Variants in TTC24 observed in about 807,000 individuals in gnomAD.
TTC24 encodes the protein tetratricopeptide repeat domain 24.
TTC24 carries 54 observed loss-of-function variants against 63.3 expected under a neutral mutation model. The observed-to-expected ratio is 0.85, with a 90% confidence interval of 0.69 to 1.07. The LOEUF (loss-of-function observed/expected upper bound fraction) is 1.07. TTC24 is among the 50% of genes least tolerant of loss of function. TTC24 has a pLI of 0.00. For synonymous variants in TTC24, 276 were observed against 304.3 expected (o/e 0.91, Z 0.97); for missense variants, 680 against 730.5 (o/e 0.93, Z 0.80).
In TTC24 at chr1:156,582,066, G is replaced by T; in HGVS notation, c.702G>T (p.Leu234=). The T allele has an allele frequency of 6.8e-7, 1 of 1,466,652 alleles. No individual in the cohort carries two copies. Among genetic ancestry groups the T allele is most frequent in the Non-Finnish European group, 9.0e-7 (1 of 1,108,368 alleles). 90.9% of individuals were successfully genotyped at this position (1,466,652 alleles called of 1,614,324 possible). A position where few individuals can be genotyped will look rare whatever the true frequency, so the allele number is the denominator to read the frequency against. Reference sequence around the variant, plus strand: ...CCGAGAGGAGCACTGAGAGGCGACTGCTGGGTGAGACCTTCGGGCAGGGAA... The same window carrying T: ...CCGAGAGGAGCACTGAGAGGCGACTTCTGGGTGAGACCTTCGGGCAGGGAA... ...RLAERSTERR[L]LGHLYNDLGL... is the part of the protein sequence containing the mutation. The change falls in exon 2 of 11, where the codon CTG becomes CTT. Residue 234 remains leucine (L), a synonymous_variant. Coordinates refer to ENST00000368236, the MANE Select transcript of TTC24 (RefSeq NM_001105669.4).
rs1357440400 is a variant in TTC24 at position 156,587,688 on chromosome 1, T to C, written c.*1138T>C. Reference sequence around the variant, plus strand: ...CCATGTCAATGTAAAAGAAAATTTATCTTTAAAAAAAAATAAATTGATGAA... The same window carrying C: ...CCATGTCAATGTAAAAGAAAATTTACCTTTAAAAAAAAATAAATTGATGAA... On this transcript the variant is annotated 3_prime_UTR_variant, in exon 11 of 11. Coordinates refer to ENST00000368236, the MANE Select transcript of TTC24 (RefSeq NM_001105669.4). Among the ~76,000 whole-genome samples the C allele has an allele frequency of 1.3e-5, 2 of 152,040 alleles. No homozygotes were observed. Among genetic ancestry groups the C allele is most frequent in the Non-Finnish European group, 2.9e-5 (2 of 68,018 alleles).
chr1:156,585,002 T>A, intron 7 of TTC24, 28 bp downstream of exon 7: 1 of 1,554,196 alleles, frequency 6.4e-7, no homozygotes. Context: ...GCAGCAGAGA[T>A]GCATGCGCCC....
At position 156,583,397 on chromosome 1, in the gene TTC24, G is replaced by A. The variant is rs1306669053; in HGVS notation, c.1099G>A (p.Gly367Arg). The A allele has an allele frequency of 1.9e-6, 3 of 1,612,382 alleles. No individual in the cohort carries two copies. Among genetic ancestry groups the A allele is most frequent in the East Asian group, 2.2e-5 (1 of 44,852 alleles). The change falls in exon 5 of 11, where the codon GGG becomes AGG. Residue 367 changes from glycine to arginine, a missense_variant. Gly to Arg is a moderately radical substitution (Grantham distance 125). Coordinates refer to ENST00000368236, the MANE Select transcript of TTC24 (RefSeq NM_001105669.4). This position sits in a 1 kb window ranked among gnomAD's most constrained non-coding sequence, Gnocchi z 4.0. ...TCTGGGGGCTGCTGCAGCCAGGCTG[G>A]GGCAGTATGACCAGGCCTTGAAGTA... ...EGLGAAAARLGQYDQALKYYK... is the reference protein window; with the variant it reads ...EGLGAAAARLRQYDQALKYYK...
rs758626248 is a variant in TTC24, at chr1:156,582,563, G to A, written c.910+129G>A. ...TGGAGCCTGAAAATCCAGAACCAGT[G>A]GGGGAGAGCTGGAAGTGCAGGAGAT... is the stretch of plus-strand genomic sequence containing the variant. On this transcript the variant is annotated intron_variant, in intron 3 of 10. Coordinates refer to ENST00000368236, the MANE Select transcript of TTC24 (RefSeq NM_001105669.4). The A allele has an allele frequency of 4.9e-6, 4 of 815,528 alleles. No individual in the cohort carries two copies. The Admixed American group carries it at 7.8e-5, about 16-fold the overall frequency. The allele number at this position is 815,528 out of a possible 1,614,324, so 50.5% of individuals were successfully genotyped here. A position where few individuals can be genotyped will look rare whatever the true frequency, so the allele number is the denominator to read the frequency against.
chr1:156,586,629 C>T lies in TTC24; in HGVS notation c.*79C>T. ...ACACTAGGGGGTCCTGGGGACCAAG[C>T]CTCTTCCCAGTTGCTCAGCCCTGCA... is the stretch of plus-strand genomic sequence containing the variant. On this transcript the variant is annotated 3_prime_UTR_variant, in exon 11 of 11. Coordinates refer to ENST00000368236, the MANE Select transcript of TTC24 (RefSeq NM_001105669.4). The T allele has an allele frequency of 2.3e-6, 3 of 1,316,154 alleles. No homozygotes were observed. The highest frequency in any genetic ancestry group is 1.8e-4 in the Middle Eastern group (1 of 5,544). 81.5% of individuals were successfully genotyped at this position (1,316,154 alleles called of 1,614,324 possible). A position where few individuals can be genotyped will look rare whatever the true frequency, so the allele number is the denominator to read the frequency against.
chr1:156,585,246 A>G lies in TTC24; in HGVS notation c.1456+15A>G, dbSNP rs1387063930. 1.9e-6 allele frequency: 3 copies of G among 1,592,410 alleles called. No individual in the cohort carries two copies. In the African/African-American group the frequency reaches 4.0e-5, roughly 21 times the overall value. ...AAGACCAGAGCGTGAGTTGATGTAG[A>G]GTATTCCTGGCGGTGCCTCTCCTTA... On this transcript the variant is annotated intron_variant, in intron 8 of 10. Transcript: ENST00000368236.
chr1:156,583,133 C>G lies in TTC24; in HGVS notation c.1002C>G (p.Asp334Glu). 1 of 1,613,454 alleles carries G rather than the reference C, an allele frequency of 6.2e-7. No individual in the cohort carries two copies. Among genetic ancestry groups the G allele is most frequent in the South Asian group, 1.1e-5 (1 of 90,984 alleles). ...SQLGDHKAAR[D>E]NYLHALQAAR... ...TGGGGGACCACAAGGCTGCCAGAGA[C>G]AACTACCTGCATGCCCTGCAGGCTG... is the stretch of plus-strand genomic sequence containing the variant. The change falls in exon 4 of 11, where the codon GAC (aspartate) becomes GAG (glutamate). Residue 334 changes from aspartate (D) to glutamate (E), a missense_variant. Transcript: ENST00000368236. This position sits in a 1 kb window ranked among gnomAD's most constrained non-coding sequence, Gnocchi z 4.0.
chr1:156,583,023 G>A lies in TTC24; in HGVS notation c.911-19G>A, dbSNP rs371725845. 1.1e-4 allele frequency: 168 copies of A among 1,599,298 alleles called. No homozygotes were observed. Among genetic ancestry groups the A allele is most frequent in the Non-Finnish European group, 1.3e-4 (153 of 1,171,660 alleles). On this transcript the variant is annotated intron_variant, in intron 3 of 10. Coordinates refer to ENST00000368236, the MANE Select transcript of TTC24 (RefSeq NM_001105669.4). The surrounding 1 kb of genome is among the most constrained non-coding windows in gnomAD (Gnocchi z 4.0). ...GCAGCCAGAGTCCCCTCTGAGGATGGGGTGGGCTCTGTCCTCAGGCTCTGT... is the reference window on the plus strand; with the variant it reads ...GCAGCCAGAGTCCCCTCTGAGGATGAGGTGGGCTCTGTCCTCAGGCTCTGT...
chr1:156,580,711 C>T (rs527845333), intron 1 of TTC24, among the ~76,000 whole-genome samples: 3 of 152,200 alleles, frequency 2.0e-5, no homozygotes, highest in Non-Finnish European at 2.9e-5. Flanking sequence ...CTCTTGACCT[C>T]GTGATCTGCC....
In TTC24 at chr1:156,583,235, G is replaced by T. The variant is rs116635947; in HGVS notation, c.1039+65G>T. The T allele has an allele frequency of 2.5e-6, 4 of 1,609,508 alleles. No homozygotes were observed. The highest frequency in any genetic ancestry group is 8.5e-7 in the Non-Finnish European group (1 of 1,178,304). ...GAGGCTGAGGGTCCTAGGGGCTGGC[G>T]GGGAGGCAGATGGGGGGAACTGAGG... On this transcript the variant is annotated intron_variant, in intron 4 of 10. Transcript: ENST00000368236. The surrounding 1 kb of genome is among the most constrained non-coding windows in gnomAD (Gnocchi z 4.0).
At chr1:156,584,813 C>A in intron 6 of TTC24, 64 bp from the exon 7 acceptor site, 1 of 1,119,214 alleles carries the variant, frequency 8.9e-7, no homozygotes, top group Non-Finnish European at 1.3e-6. Flanking sequence ...CTGGAGGGAG[C>A]ACACACGTAG....
rs200694018 is a variant in TTC24 at position 156,587,702 on chromosome 1, T to A, written c.*1152T>A. Reference sequence around the variant, plus strand: ...AAGAAAATTTATCTTTAAAAAAAAATAAATTGATGAACTGAGAGTGGGAAA... The same window carrying A: ...AAGAAAATTTATCTTTAAAAAAAAAAAAATTGATGAACTGAGAGTGGGAAA... On this transcript the variant is annotated 3_prime_UTR_variant, in exon 11 of 11. Transcript: ENST00000368236. 1.3e-5 allele frequency among the ~76,000 whole-genome samples: 2 copies of A among 151,986 alleles called. No individual in the cohort carries two copies. Among genetic ancestry groups the A allele is most frequent in the East Asian group, 1.9e-4 (1 of 5,192 alleles).
In TTC24 at chr1:156,583,695, GC is replaced by G. The variant is rs1677070049; in HGVS notation, c.1153-96del. The G allele has an allele frequency of 9.7e-7, 1 of 1,029,470 alleles. No individual in the cohort carries two copies. Among genetic ancestry groups the G allele is most frequent in the East Asian group, 2.6e-5 (1 of 38,110 alleles). 63.8% of individuals were successfully genotyped at this position (1,029,470 alleles called of 1,614,324 possible). Reference sequence around the variant, plus strand: ...TGGGGTAGAAGAGAGGGGAAACAAAGCCCCCCTCCCCCCTCCCTTTCCTGTT... The same window carrying G: ...TGGGGTAGAAGAGAGGGGAAACAAAGCCCCCTCCCCCCTCCCTTTCCTGTT... On this transcript the variant is annotated intron_variant, in intron 5 of 10. Transcript: ENST00000368236. The surrounding 1 kb of genome is among the most constrained non-coding windows in gnomAD (Gnocchi z 4.0).
intron 1 of TTC24, among the ~76,000 whole-genome samples, chr1:156,580,000 G>A (rs983663227): frequency 1.3e-5 from 2 of 152,172 alleles, no homozygotes; most frequent in East Asian, 3.9e-4. Flanking sequence ...CTCCTGGGAG[G>A]AGAGTTCATA....
In TTC24 at chr1:156,586,663, G is replaced by A; in HGVS notation, c.*113G>A. 2.1e-6 allele frequency: 2 copies of A among 942,202 alleles called. No homozygotes were observed. The highest frequency in any genetic ancestry group is 3.3e-6 in the Non-Finnish European group (2 of 610,580). 58.4% of individuals were successfully genotyped at this position (942,202 alleles called of 1,614,324 possible). ...AGTTGCTCAGCCCTGCAGGGATGTG[G>A]AACACAGTGCAGCCAGTGGACTCCT... On this transcript the variant is annotated 3_prime_UTR_variant, in exon 11 of 11. Coordinates refer to ENST00000368236, the MANE Select transcript of TTC24 (RefSeq NM_001105669.4).
Position 156,583,744 on chromosome 1 carries a change from G to C in TTC24, c.1153-53G>C, listed in dbSNP as rs1677072187. On this transcript the variant is annotated intron_variant, in intron 5 of 10. Transcript: ENST00000368236. The surrounding 1 kb of genome is among the most constrained non-coding windows in gnomAD (Gnocchi z 4.0). ...GTTTCCTTCTTCCCCAACCCCCAGA[G>C]GACCATAAGGTCCAGGCATTCCCCA... The C allele has an allele frequency of 8.8e-7, 1 of 1,136,724 alleles. No homozygotes were observed. The highest frequency in any genetic ancestry group is 1.6e-5 in the African/African-American group (1 of 64,390). The allele number at this position is 1,136,724 out of a possible 1,614,324, so 70.4% of individuals were successfully genotyped here.
chr1:156,585,173 G>T lies in TTC24; in HGVS notation c.1398G>T (p.Lys466Asn), dbSNP rs1557958641. The T allele has an allele frequency of 3.1e-6, 5 of 1,613,292 alleles. No homozygotes were observed. The highest frequency in any genetic ancestry group is 4.2e-6 in the Non-Finnish European group (5 of 1,179,620). Reference protein sequence around the residue: ...EDEEFEEGHQKKKEERSANVP... With the variant: ...EDEEFEEGHQNKKEERSANVP... ...AAGAGTTTGAGGAGGGCCACCAGAA[G>T]AAAAAAGAGGAGAGGTCGGCAAACG... Residue 466 changes from lysine to asparagine, a missense_variant, in exon 8 of 11, where the codon AAG (lysine) becomes AAT (asparagine). Coordinates refer to ENST00000368236, the MANE Select transcript of TTC24 (RefSeq NM_001105669.4).
At position 156,583,667 on chromosome 1, in the gene TTC24, G is replaced by A. The variant is rs891370886; in HGVS notation, c.1153-130G>A. Reference sequence around the variant, plus strand: ...TGGCAGGACCCTGGGAAAGGCATGGGGATGGGGTAGAAGAGAGGGGAAACA... The same window carrying A: ...TGGCAGGACCCTGGGAAAGGCATGGAGATGGGGTAGAAGAGAGGGGAAACA... On this transcript the variant is annotated intron_variant, in intron 5 of 10. Coordinates refer to ENST00000368236, the MANE Select transcript of TTC24 (RefSeq NM_001105669.4). This position sits in a 1 kb window ranked among gnomAD's most constrained non-coding sequence, Gnocchi z 4.0. The A allele has an allele frequency of 1.0e-6, 1 of 966,392 alleles. No individual in the cohort carries two copies. Among genetic ancestry groups the A allele is most frequent in the Non-Finnish European group, 1.6e-6 (1 of 633,588 alleles). The allele number at this position is 966,392 out of a possible 1,614,324, so 59.9% of individuals were successfully genotyped here. A position where few individuals can be genotyped will look rare whatever the true frequency, so the allele number is the denominator to read the frequency against.
At position 156,586,632 on chromosome 1, in the gene TTC24, C is replaced by T. The variant is rs1677183924; in HGVS notation, c.*82C>T. 16 of 1,281,248 alleles carry T rather than the reference C, an allele frequency of 1.2e-5. No homozygotes were observed. Among genetic ancestry groups the T allele is most frequent in the Non-Finnish European group, 1.7e-5 (15 of 900,326 alleles). The allele number at this position is 1,281,248 out of a possible 1,614,324, so 79.4% of individuals were successfully genotyped here. On this transcript the variant is annotated 3_prime_UTR_variant, in exon 11 of 11. Coordinates refer to ENST00000368236, the MANE Select transcript of TTC24 (RefSeq NM_001105669.4). ...CTAGGGGGTCCTGGGGACCAAGCCT[C>T]TTCCCAGTTGCTCAGCCCTGCAGGG...
Sources: gnomAD v4.1 joint callset for allele counts (sites outside exome capture counted in the v4.1 genomes callset) on GRCh38, gnomAD v4.1.1 for gene constraint, Gnocchi (gnomAD v3.1) non-coding constraint, MANE v1.5 for transcripts, NCBI Gene and HGNC (gene_info 2026-07-23, HGNC 2026-07-21) for gene names.